Variants in PDZK1 observed in about 807,000 individuals in gnomAD.
PDZK1 encodes Na(+)/H(+) exchange regulatory cofactor NHE-RF3.
In PDZK1, 23 loss-of-function variants were observed where a neutral mutation model predicts 38.1. That is an observed-to-expected ratio of 0.60 (90% CI 0.43 to 0.85). The LOEUF (loss-of-function observed/expected upper bound fraction) is 0.85. PDZK1 is among the 40% of genes least tolerant of loss of function. The pLI, the probability that PDZK1 is intolerant of heterozygous loss-of-function variation, is 0.00. For missense variants in PDZK1, 297 were observed against 504.3 expected, an observed-to-expected ratio of 0.59 and a Z score of 3.94; for synonymous variants, 98 against 186.2, an observed-to-expected ratio of 0.53 and a Z score of 3.86.
At chr1:145,688,565 G>A (rs150924068) in intron 1 of PDZK1, among the ~76,000 whole-genome samples, 38 of 152,216 alleles carry the variant, frequency 2.5e-4, no homozygotes, top group African/African-American at 8.4e-4. Context: ...AATAGGGAGC[G>A]GGATGGGAAG....
chr1:145,698,858 G>A (rs187958079), intron 1 of PDZK1, among the ~76,000 whole-genome samples: 40 of 152,128 alleles, frequency 2.6e-4, no homozygotes, highest in Non-Finnish European at 5.4e-4. Context: ...CTTGAACCCG[G>A]GAGGCGGGAG....
chr1:145,687,705 G>A, intron 2 of PDZK1, 107 bp downstream of exon 2: 1 of 906,102 alleles, frequency 1.1e-6, no homozygotes. Context: ...CTTGCCAGTG[G>A]CAGCCAGGAA....
In PDZK1 at chr1:145,671,203, A is replaced by T. The variant is rs587688136; in HGVS notation, c.*233T>A. On this transcript the variant is annotated 3_prime_UTR_variant, in exon 9 of 9. Transcript: ENST00000417171. ...AGCTTGGAAAAGATCACATGAAAAA[A>T]ATCTAGCTCTTGCCTTATCTCTTCC... 225 of 1,099,190 alleles carry T rather than the reference A, an allele frequency of 2.0e-4. 5 individuals are homozygous for T. The South Asian group carries it at 3.6e-3, about 18-fold the overall frequency. 68.1% of individuals were successfully genotyped at this position (1,099,190 alleles called of 1,614,324 possible).
At chr1:145,695,137 A>C (rs927275074) in intron 1 of PDZK1, among the ~76,000 whole-genome samples, 2 of 151,424 alleles carry the variant, frequency 1.3e-5, no homozygotes, top group Non-Finnish European at 3.0e-5. Context: ...AAAGTTTGCC[A>C]GGTGCGGTGG....
chr1:145,704,742 G>A (rs915728880), intron 1 of PDZK1, among the ~76,000 whole-genome samples: 3 of 152,134 alleles, frequency 2.0e-5, no homozygotes, highest in Admixed American at 6.6e-5. Context: ...AGGAAAACAC[G>A]TCTAGCTCCA....
intron 1 of PDZK1, among the ~76,000 whole-genome samples, chr1:145,695,412 C>T (rs1655573995): frequency 6.6e-6 from 1 of 151,322 alleles, no homozygotes; most frequent in Non-Finnish European, 1.5e-5. Flanking sequence ...CAGAGTGAGA[C>T]ACTGTCGAAA....
At chr1:145,690,157 G>A (rs1655121163) in intron 1 of PDZK1, among the ~76,000 whole-genome samples, 1 of 152,100 alleles carries the variant, frequency 6.6e-6, no homozygotes, top group African/African-American at 2.4e-5. Context: ...AGAAAATATG[G>A]CATCACCAGA....
intron 1 of PDZK1, among the ~76,000 whole-genome samples, chr1:145,696,114 G>A (rs587761949): frequency 6.6e-6 from 1 of 152,356 alleles, no homozygotes; most frequent in East Asian, 1.9e-4. Context: ...CCCTGTCGCA[G>A]AGTGGCAAAT....
chr1:145,689,523 T>C (rs1655068462), intron 1 of PDZK1, among the ~76,000 whole-genome samples: 1 of 152,180 alleles, frequency 6.6e-6, no homozygotes, highest in Non-Finnish European at 1.5e-5. Context: ...GTAAGACTTC[T>C]GCCAGTGCCC....
chr1:145,677,001 T>TA (rs1435521717), intron 6 of PDZK1, among the ~76,000 whole-genome samples: 1 of 152,200 alleles, frequency 6.6e-6, no homozygotes, highest in Non-Finnish European at 1.5e-5. Context: ...TCGCTGTAGC[T>TA]ACTACCCCTC....
At position 145,695,365 on chromosome 1, in the gene PDZK1, T is replaced by G. The variant is rs587685078; in HGVS notation, c.-2-7342A>C. Among the ~76,000 whole-genome samples the G allele has an allele frequency of 2.0e-5, 3 of 151,836 alleles. No homozygotes were observed. In the South Asian group the frequency reaches 6.2e-4, roughly 32 times the overall value. On this transcript the variant is annotated intron_variant, in intron 1 of 8. Transcript: ENST00000417171. Reference sequence around the variant, plus strand: ...TCAACCCAGGAAGCGGAGGTTGCAGTGAGCCGAGACAGTGCACTGAACTCC... The same window carrying G: ...TCAACCCAGGAAGCGGAGGTTGCAGGGAGCCGAGACAGTGCACTGAACTCC...
intron 3 of PDZK1, among the ~76,000 whole-genome samples, chr1:145,683,739 T>G (rs1654482307): frequency 6.6e-6 from 1 of 152,126 alleles, no homozygotes; most frequent in African/African-American, 2.4e-5. Flanking sequence ...TTAGGCACAG[T>G]AAGAGATTAA....
intron 1 of PDZK1, among the ~76,000 whole-genome samples, chr1:145,706,479 C>A (rs1361532853): frequency 6.6e-6 from 1 of 152,150 alleles, no homozygotes; most frequent in Non-Finnish European, 1.5e-5. Context: ...GCCCTGGTGA[C>A]ACATTGCAGA....
At chr1:145,703,432 T>C (rs1166530735) in intron 1 of PDZK1, among the ~76,000 whole-genome samples, 1 of 152,166 alleles carries the variant, frequency 6.6e-6, no homozygotes, top group African/African-American at 2.4e-5. Flanking sequence ...TAGGTACTTT[T>C]TATGGGTTCT....
At chr1:145,695,583 C>T (rs1259064907) in intron 1 of PDZK1, among the ~76,000 whole-genome samples, 4 of 152,036 alleles carry the variant, frequency 2.6e-5, no homozygotes, top group African/African-American at 9.7e-5. Context: ...CTATAAAGGC[C>T]TTTAATATCA....
At position 145,682,558 on chromosome 1, in the gene PDZK1, A is replaced by G; in HGVS notation, c.539T>C (p.Leu180Ser). The G allele has an allele frequency of 6.2e-7, 1 of 1,610,636 alleles. No individual in the cohort carries two copies. Among genetic ancestry groups the G allele is most frequent in the East Asian group, 2.2e-5 (1 of 44,798 alleles). The change falls in exon 4 of 9, where the codon TTG (leucine) becomes TCG (serine). Residue 180 changes from leucine (L) to serine (S), a missense_variant. Physicochemically the swap from Leu to Ser is moderately radical, Grantham distance 145 (BLOSUM62 -2). Around this residue, in one of 5 missense-constraint regions of PDZK1, gnomAD observed 35 missense variants for 73.9 expected, o/e 0.47. Transcript: ENST00000417171. ...MRAGVLADDH[L>S]IEVNGENVED... ...TACATTCTCTCCATTCACTTCAATC[A>G]AGTGATCATCAGCCAGAACTCCAGC...
intron 1 of PDZK1, among the ~76,000 whole-genome samples, chr1:145,696,926 G>C (rs587765424): frequency 6.6e-6 from 1 of 152,190 alleles, no homozygotes; most frequent in East Asian, 1.9e-4. Flanking sequence ...TCGAGGTTTG[G>C]GACCATCTGC....
At chr1:145,704,715 A>C (rs1238701656) in intron 1 of PDZK1, among the ~76,000 whole-genome samples, 7 of 152,194 alleles carry the variant, frequency 4.6e-5, no homozygotes, top group African/African-American at 1.7e-4. Context: ...CCAAAGAAAG[A>C]AGTTGCTGAG....
chr1:145,687,524 C>CAAAAA (rs11420111), intron 2 of PDZK1, among the ~76,000 whole-genome samples: 5 of 64,602 alleles, frequency 7.7e-5, no homozygotes, highest in Admixed American at 5.7e-4. Context: ...AACTCCATCT[C>CAAAAA]AAAAAAAAAA....
Sources: gnomAD v4.1 joint callset for allele counts (sites outside exome capture counted in the v4.1 genomes callset) on GRCh38, gnomAD v4.1.1 for gene constraint, gnomAD v4.1.1 regional missense constraint, MANE v1.5 for transcripts, NCBI Gene and HGNC (gene_info 2026-07-23, HGNC 2026-07-21) for gene names.